PTPN11: variants seen among roughly 807,000 people sequenced by gnomAD.
PTPN11 encodes protein tyrosine phosphatase non-receptor type 11.
A neutral mutation model predicts 78.8 loss-of-function variants in PTPN11; 6 were observed. The observed-to-expected ratio is 0.08, with a 90% CI of 0.04 to 0.15. The LOEUF is 0.15. Ranked by LOEUF, PTPN11 falls within the 10% of genes least tolerant of loss-of-function variation. The probability of loss-of-function intolerance (pLI) is 1.00; values close to 1 mark genes in which losing one functional copy is unlikely to be tolerated. For synonymous variants in PTPN11, 221 were observed against 263.5 expected, an observed-to-expected ratio of 0.84 and a Z score of 1.56; for missense variants, 386 against 744.8, an observed-to-expected ratio of 0.52 and a Z score of 5.61.
At chr12:112,465,619 C>G (rs546029310) in intron 6 of PTPN11, among the ~76,000 whole-genome samples, 1 of 152,222 alleles carries the variant, frequency 6.6e-6, no homozygotes, top group South Asian at 2.1e-4. Context: ...TCTAACTCCC[C>G]TCTGTATCCA....
chr12:112,495,077 T>C (rs1049302109), intron 13 of PTPN11, among the ~76,000 whole-genome samples: 2 of 152,172 alleles, frequency 1.3e-5, no homozygotes, highest in Non-Finnish European at 2.9e-5. Context: ...CGAGGAGCAT[T>C]ATACATATCT....
intron 1 of PTPN11, among the ~76,000 whole-genome samples, chr12:112,425,243 T>G (rs1422425193): frequency 6.6e-6 from 1 of 152,076 alleles, no homozygotes; most frequent in Non-Finnish European, 1.5e-5. Context: ...GAAATGTTCA[T>G]CAGTGGGGGG....
intron 13 of PTPN11, among the ~76,000 whole-genome samples, chr12:112,501,841 G>T (rs1443500364): frequency 6.6e-6 from 1 of 152,174 alleles, no homozygotes; most frequent in Non-Finnish European, 1.5e-5. Flanking sequence ...TGCTAATGTG[G>T]CAAAGAAAGT....
At chr12:112,479,195 G>A (rs765135491) in intron 9 of PTPN11, among the ~76,000 whole-genome samples, 3 of 151,872 alleles carry the variant, frequency 2.0e-5, no homozygotes, top group Admixed American at 1.3e-4. Context: ...ACAGAAGAGC[G>A]GACAGATCTT....
chr12:112,486,806 C>G, intron 11 of PTPN11, 177 bp downstream of exon 11: 1 of 1,467,566 alleles, frequency 6.8e-7, no homozygotes, highest in Non-Finnish European at 9.0e-7. Flanking sequence ...TTCTCCTAGA[C>G]CCTACAGCAC....
Position 112,504,599 on chromosome 12 carries a change from C to T in PTPN11, c.1713-96C>T, listed in dbSNP as rs188374509. The T allele has an allele frequency of 2.2e-5, 20 of 914,476 alleles. No individual in the cohort carries two copies. The highest frequency in any genetic ancestry group is 3.5e-5 in the Non-Finnish European group (20 of 569,386). The allele number at this position is 914,476 out of a possible 1,614,324, so 56.6% of individuals were successfully genotyped here. A position where few individuals can be genotyped will look rare whatever the true frequency, so the allele number is the denominator to read the frequency against. ...AACTGTGTCTGTACCATATCTGGTG[C>T]CCAAAGAATGTAGTATGTGTTTTAT... On this transcript the variant is annotated intron_variant, in intron 14 of 15. Transcript: ENST00000351677. This position sits in a 1 kb window ranked among gnomAD's most constrained non-coding sequence, Gnocchi z 4.7.
At position 112,454,680 on chromosome 12, in the gene PTPN11, G is replaced by A. The variant is rs876661383; in HGVS notation, c.642G>A (p.Gln214=). ...ETLGTVLQLK[Q]PLNTTRINAA... ...TGGGTACAGTACTACAACTCAAGCA[G>A]GTGAGCAGATTGGAAAGCTCAAGCT... Residue 214 remains glutamine, a splice_region_variant and synonymous_variant, in exon 5 of 16, where the codon CAG becomes CAA. Transcript: ENST00000351677. 1.9e-6 allele frequency: 3 copies of A among 1,601,538 alleles called. No homozygotes were observed. The Admixed American group carries it at 5.0e-5, about 27-fold the overall frequency.
intron 7 of PTPN11, among the ~76,000 whole-genome samples, chr12:112,473,669 A>G (rs1284266882): frequency 1.3e-5 from 2 of 152,050 alleles, no homozygotes; most frequent in Non-Finnish European, 2.9e-5. Flanking sequence ...CAACATGGTG[A>G]AACCCCATCT....
Position 112,507,025 on chromosome 12 carries a change from G to T in PTPN11, c.*1233G>T. 4.7e-6 allele frequency: 1 copy of T among 211,804 alleles called. No homozygotes were observed. Among genetic ancestry groups the T allele is most frequent in the Non-Finnish European group, 9.5e-6 (1 of 104,872 alleles). The allele number at this position is 211,804 out of a possible 1,614,324, so 13.1% of individuals were successfully genotyped here. On this transcript the variant is annotated 3_prime_UTR_variant, in exon 16 of 16. Coordinates refer to ENST00000351677, the MANE Select transcript of PTPN11 (RefSeq NM_002834.5). ...TCTAATCAGAAGAAAGCTGGGGTAT[G>T]CCCTCTACTTACTAAACAAGTCACA...
chr12:112,425,060 C>T (rs1343472721), intron 1 of PTPN11, among the ~76,000 whole-genome samples: 1 of 150,850 alleles, frequency 6.6e-6, no homozygotes, highest in Non-Finnish European at 1.5e-5. Flanking sequence ...CAAAATGTTG[C>T]CCAGGCTGGT....
rs549725748 is a variant in PTPN11 at position 112,471,548 on chromosome 12, G to A, written c.757-1396G>A. 2.0e-5 allele frequency among the ~76,000 whole-genome samples: 3 copies of A among 151,276 alleles called. No homozygotes were observed. In the South Asian group the frequency reaches 6.3e-4, roughly 32 times the overall value. The stretch of plus-strand genomic sequence containing the variant: ...GAAAAAAAGAATATAGATCACAGCT[G>A]TTATTTGTATATGCTACGCCAATCC... On this transcript the variant is annotated intron_variant, in intron 6 of 15. Coordinates refer to ENST00000351677, the MANE Select transcript of PTPN11 (RefSeq NM_002834.5).
intron 7 of PTPN11, 137 bp from the exon 8 acceptor site, chr12:112,477,514 G>A: frequency 4.3e-6 from 3 of 701,410 alleles, no homozygotes; most frequent in Non-Finnish European, 5.0e-6. Context: ...TTGCTTACCT[G>A]GGCTTTAATT....
At chr12:112,439,630 G>C (rs2037850365) in intron 1 of PTPN11, among the ~76,000 whole-genome samples, 1 of 151,778 alleles carries the variant, frequency 6.6e-6, no homozygotes, top group Non-Finnish European at 1.5e-5. Context: ...CACCATACTT[G>C]GCTAATTTTT....
At chr12:112,463,075 A>G (rs1180677984) in intron 6 of PTPN11, among the ~76,000 whole-genome samples, 1 of 152,224 alleles carries the variant, frequency 6.6e-6, no homozygotes, top group Non-Finnish European at 1.5e-5. Flanking sequence ...AATGTAAAAA[A>G]TAGTGAGCTA....
chr12:112,443,553 G>A (rs1426292076), intron 1 of PTPN11, among the ~76,000 whole-genome samples: 1 of 151,710 alleles, frequency 6.6e-6, no homozygotes, highest in African/African-American at 2.4e-5. Context: ...ACGGGGTTTT[G>A]CCATGTTGGT....
At chr12:112,456,796 G>A (rs941076161) in intron 6 of PTPN11, among the ~76,000 whole-genome samples, 4 of 151,922 alleles carry the variant, frequency 2.6e-5, no homozygotes, top group African/African-American at 4.8e-5. Context: ...GGGTTTTGCA[G>A]TGTTGCCCAG....
At chr12:112,457,382 G>GT (rs1443142545) in intron 6 of PTPN11, 1 of 235,022 alleles carries the variant, frequency 4.3e-6, no homozygotes, top group East Asian at 1.7e-4. Flanking sequence ...ATTCCATGGT[G>GT]TGTATGTGCC....
At chr12:112,436,433 T>A (rs1395763455) in intron 1 of PTPN11, among the ~76,000 whole-genome samples, 1 of 152,164 alleles carries the variant, frequency 6.6e-6, no homozygotes, top group Non-Finnish European at 1.5e-5. Context: ...AGCAGAGAGA[T>A]TAATTAGCTT....
chr12:112,458,881 A>G (rs1388773163), intron 6 of PTPN11, among the ~76,000 whole-genome samples: 2 of 152,162 alleles, frequency 1.3e-5, no homozygotes, highest in South Asian at 4.1e-4. Context: ...AAAAATACAA[A>G]AAGTAGCTGG....
Sources: allele counts gnomAD v4.1 joint callset (sites outside exome capture counted in the v4.1 genomes callset), GRCh38; gene constraint gnomAD v4.1.1; non-coding constraint Gnocchi (gnomAD v3.1); transcripts MANE v1.5; gene names NCBI Gene and HGNC (gene_info 2026-07-23, HGNC 2026-07-21).